The following TPST2 variants were observed in gnomAD, a reference collection of about 807,000 sequenced individuals.
TPST2 encodes the protein protein-tyrosine sulfotransferase 2.
In TPST2, 16 loss-of-function variants were observed where a neutral mutation model predicts 27.8. The ratio of observed to expected loss-of-function variants is 0.58; its 90% CI spans 0.39 to 0.88. TPST2 has a LOEUF of 0.88. TPST2 is among the 40% of genes least tolerant of loss of function. The pLI is 0.00. For missense variants in TPST2, 464 were observed against 543.1 expected (o/e 0.85, Z 1.45); for synonymous variants, 229 against 231.7 (o/e 0.99, Z 0.10).
rs781403165 is a variant in TPST2, at chr22:26,541,125, A to C, written c.506T>G (p.Leu169Arg). The C allele has an allele frequency of 1.2e-6, 2 of 1,607,718 alleles. No individual in the cohort carries two copies. The highest frequency in any genetic ancestry group is 1.7e-6 in the Non-Finnish European group (2 of 1,175,612). Residue 169 changes from leucine to arginine, a missense_variant, in exon 3 of 7, where the codon CTG (leucine) becomes CGG (arginine). Coordinates refer to ENST00000338754, the MANE Select transcript of TPST2 (RefSeq NM_003595.5). The surrounding 1 kb of genome is among the most constrained non-coding windows in gnomAD (Gnocchi z 5.9). Reference protein sequence around the residue: ...DPFTLKSSVYLSRLFPNSKFL... With the variant: ...DPFTLKSSVYRSRLFPNSKFL... The stretch of plus-strand genomic sequence containing the variant: ...CTTGGAGTTGGGGAACAGGCGCGAC[A>C]GGTAGACCGAGGACTTGAGCGTAAA...
At chr22:26,536,212 G>A in intron 4 of TPST2, 76 bp downstream of exon 4, 9 of 1,518,028 alleles carry the variant, frequency 5.9e-6, no homozygotes, top group Non-Finnish European at 8.1e-6. Context: ...ATTTCCTCAG[G>A]TGGCTGGAGT....
chr22:26,570,009 A>C (rs1368342723), intron 1 of TPST2, among the ~76,000 whole-genome samples: 6 of 122,978 alleles, frequency 4.9e-5, no homozygotes, highest in South Asian at 2.9e-4. Context: ...GAAAGAAAGA[A>C]AGAAAGAAAG....
At chr22:26,567,369 G>A (rs1425929129) in intron 1 of TPST2, among the ~76,000 whole-genome samples, 1 of 152,238 alleles carries the variant, frequency 6.6e-6, no homozygotes, top group Non-Finnish European at 1.5e-5. Context: ...GGCCTAGCCT[G>A]GAAGTTGGTA....
At chr22:26,540,654 T>C in intron 3 of TPST2, 135 bp downstream of exon 3, 1 of 734,066 alleles carries the variant, frequency 1.4e-6, no homozygotes, top group Non-Finnish European at 2.1e-6. Flanking sequence ...TTTGGGATAA[T>C]GAAACGGAGG....
intron 3 of TPST2, among the ~76,000 whole-genome samples, chr22:26,539,174 G>GC (rs1396181674): frequency 1.3e-5 from 2 of 152,318 alleles, no homozygotes; most frequent in East Asian, 3.9e-4. Flanking sequence ...GAGAGCAGCT[G>GC]CGAGCCTCTA....
In TPST2 at chr22:26,537,055, C is replaced by CAAA. The variant is rs35028987; in HGVS notation, c.843-572_843-570dup. Among the ~76,000 whole-genome samples, 23 of 145,598 alleles carry CAAA rather than the reference C, an allele frequency of 1.6e-4. No homozygotes were observed. In the East Asian group the frequency reaches 4.6e-3, roughly 29 times the overall value. On this transcript the variant is annotated intron_variant, in intron 3 of 6. Transcript: ENST00000338754. ...TGGGCAACAGAGCAAGACCCTGTCTCAAAAAAAAAAGAAACACTTTTTAAT... is the reference window on the plus strand; with the variant it reads ...TGGGCAACAGAGCAAGACCCTGTCTCAAAAAAAAAAAAAGAAACACTTTTTAAT...
chr22:26,541,607 C>T lies in TPST2; in HGVS notation c.24G>A (p.Val8=). 6.3e-7 allele frequency: 1 copy of T among 1,587,136 alleles called. No individual in the cohort carries two copies. The change falls in exon 3 of 7, where the codon GTG becomes GTA. Residue 8 remains valine (V), a synonymous_variant. Transcript: ENST00000338754. The surrounding 1 kb of genome is among the most constrained non-coding windows in gnomAD (Gnocchi z 5.9). ...CCAGGGCGCAGCCGGCTGCCAGCAG[C>T]ACCCTCCGCACCGACAGGCGCATGC... MRLSVRR[V]LLAAGCALVL...
At chr22:26,532,342 G>A (rs1387313412) in intron 5 of TPST2, among the ~76,000 whole-genome samples, 4 of 152,204 alleles carry the variant, frequency 2.6e-5, no homozygotes, top group Non-Finnish European at 4.4e-5. Context: ...GTGCAACGGC[G>A]TGATCTCAGC....
At chr22:26,580,736 T>A (rs2147241144) in intron 1 of TPST2, among the ~76,000 whole-genome samples, 1 of 152,184 alleles carries the variant, frequency 6.6e-6, no homozygotes, top group African/African-American at 2.4e-5. Context: ...TAAGGAAGGA[T>A]CCCCAAAGGA....
At position 26,540,952 on chromosome 22, in the gene TPST2, C is replaced by T. The variant is rs1925767614; in HGVS notation, c.679G>A (p.Glu227Lys). 7 of 1,614,214 alleles carry T rather than the reference C, an allele frequency of 4.3e-6. No homozygotes were observed. The highest frequency in any genetic ancestry group is 5.9e-6 in the Non-Finnish European group (7 of 1,180,030). Residue 227 changes from glutamate to lysine, a missense_variant, in exon 3 of 7, where the codon GAG becomes AAG. Transcript: ENST00000338754. Reference sequence around the variant, plus strand: ...GGCAGGCACTTCTCCTTGCCTACCTCCATGCACTGGGCGTACATCACCTCG... The same window carrying T: ...GGCAGGCACTTCTCCTTGCCTACCTTCATGCACTGGGCGTACATCACCTCG... ...AIEVMYAQCMEVGKEKCLPVY... is the reference protein window; with the variant it reads ...AIEVMYAQCMKVGKEKCLPVY...
chr22:26,552,416 G>C (rs1213896509), intron 1 of TPST2, among the ~76,000 whole-genome samples: 2 of 152,202 alleles, frequency 1.3e-5, no homozygotes, highest in Non-Finnish European at 2.9e-5. Context: ...CTGAGGCTTA[G>C]AGCGGTGAAA....
At chr22:26,545,859 C>T (rs1353588180) in intron 1 of TPST2, among the ~76,000 whole-genome samples, 2 of 152,092 alleles carry the variant, frequency 1.3e-5, no homozygotes, top group Non-Finnish European at 1.5e-5. Context: ...GCAGGAGGAT[C>T]ACTTGAGCCC....
intron 1 of TPST2, among the ~76,000 whole-genome samples, chr22:26,548,489 G>GA (rs1353470475): frequency 6.7e-6 from 1 of 148,724 alleles, no homozygotes; most frequent in Non-Finnish European, 1.5e-5. Context: ...AAGAAAGAAA[G>GA]AAGAAAGGAA....
intron 1 of TPST2, among the ~76,000 whole-genome samples, chr22:26,550,365 G>A (rs904603768): frequency 2.0e-5 from 3 of 152,222 alleles, no homozygotes; most frequent in African/African-American, 7.2e-5. Flanking sequence ...CCCATGATGA[G>A]AGGTGGAGGC....
At chr22:26,555,149 G>A in intron 1 of TPST2, 2 of 532,254 alleles carry the variant, frequency 3.8e-6, no homozygotes, top group Non-Finnish European at 7.7e-6. Flanking sequence ...GTGGAGCTGA[G>A]GGAATTTGCA....
intron 1 of TPST2, among the ~76,000 whole-genome samples, chr22:26,581,992 G>A (rs1928133687): frequency 6.6e-6 from 1 of 152,206 alleles, no homozygotes; most frequent in Non-Finnish European, 1.5e-5. Context: ...CGGGCCGGAT[G>A]TGGCCTATGA....
intron 1 of TPST2, among the ~76,000 whole-genome samples, chr22:26,567,724 A>G (rs1006770786): frequency 6.6e-6 from 1 of 152,246 alleles, no homozygotes; most frequent in Non-Finnish European, 1.5e-5. Context: ...AATTTAAAAA[A>G]GGACAGGCAA....
At chr22:26,554,895 G>A (rs1006680650) in intron 1 of TPST2, among the ~76,000 whole-genome samples, 6 of 152,124 alleles carry the variant, frequency 3.9e-5, no homozygotes, top group African/African-American at 7.2e-5. Context: ...CCAAGATGGC[G>A]CCACTGCACT....
intron 1 of TPST2, among the ~76,000 whole-genome samples, chr22:26,589,543 G>A (rs1319802656): frequency 6.6e-6 from 1 of 152,162 alleles, no homozygotes; most frequent in Non-Finnish European, 1.5e-5. Context: ...CCCCAACCCA[G>A]TGCTCCCAGC....
Sources: gnomAD v4.1 joint callset for allele counts (sites outside exome capture counted in the v4.1 genomes callset) on GRCh38, gnomAD v4.1.1 for gene constraint, Gnocchi (gnomAD v3.1) non-coding constraint, MANE v1.5 for transcripts, NCBI Gene and HGNC (gene_info 2026-07-23, HGNC 2026-07-21) for gene names.